Variants in ZNF707 observed in about 807,000 individuals in gnomAD.
The protein encoded by ZNF707 is zinc finger protein 707.
ZNF707 carries 8 observed loss-of-function variants against 13.3 expected under a neutral mutation model. The ratio of observed to expected loss-of-function variants is 0.60; its 90% CI spans 0.35 to 1.09. ZNF707 has a LOEUF of 1.09. Ranked by LOEUF, ZNF707 falls within the 50% of genes least tolerant of loss-of-function variation. The pLI is 0.02. For synonymous variants in ZNF707, 225 were observed against 205.6 expected, an observed-to-expected ratio of 1.09 and a Z score of -0.81; for missense variants, 530 against 512.6, an observed-to-expected ratio of 1.03 and a Z score of -0.33.
intron 4 of ZNF707, 161 bp from the exon 5 acceptor site, chr8:143,691,439 C>G (rs782607310): frequency 9.8e-7 from 1 of 1,025,192 alleles, no homozygotes; most frequent in Non-Finnish European, 1.4e-6. Flanking sequence ...GCCTTGGTGT[C>G]CAGGCCCCTC....
intron 3 of ZNF707, 97 bp from the exon 4 acceptor site, chr8:143,690,975 AC>A: frequency 6.8e-7 from 1 of 1,462,474 alleles, no homozygotes; most frequent in Non-Finnish European, 9.2e-7. Flanking sequence ...CAATCAGTCC[AC>A]CGCAGGGCCA....
In ZNF707 at chr8:143,693,896, CG is replaced by C; in HGVS notation, c.485del (p.Gly162AlafsTer11). The C allele has an allele frequency of 1.9e-6, 3 of 1,605,088 alleles. No individual in the cohort carries two copies. Among genetic ancestry groups the C allele is most frequent in the Non-Finnish European group, 2.6e-6 (3 of 1,174,828 alleles). On this transcript the variant is annotated frameshift_variant, in exon 6 of 6. Transcript: ENST00000358656. LOFTEE classifies it low-confidence loss of function (END_TRUNC). This position sits in a 1 kb window ranked among gnomAD's most constrained non-coding sequence, Gnocchi z 4.1. ...QVLTQRCGRR[P>X]GRRERRKQRA... ...CTCACGCAGCGTTGTGGGCGGCGGC[CG>C]GGCCGCAGAGAGCGCCGGAAGCAGC...
At chr8:143,691,551 C>G (rs368372700) in intron 4 of ZNF707, 49 bp from the exon 5 acceptor site, 10 of 1,536,466 alleles carry the variant, frequency 6.5e-6, no homozygotes, top group Non-Finnish European at 8.8e-6. Flanking sequence ...TCGACCCTCA[C>G]TTTGTCCTCA....
intron 1 of ZNF707, chr8:143,684,806 C>G (rs983716161): frequency 6.6e-6 from 1 of 152,462 alleles, no homozygotes; most frequent in South Asian, 2.1e-4. Context: ...TCTTCCTGGC[C>G]GACCCCGTCC....
Position 143,694,477 on chromosome 8 carries a change from C to T in ZNF707, c.1063C>T (p.His355Tyr). The change falls in exon 6 of 6, where the codon CAC becomes TAC. Residue 355 changes from histidine to tyrosine, a missense_variant. Physicochemically the swap from His to Tyr is moderately conservative, Grantham distance 83. Coordinates refer to ENST00000358656, the MANE Select transcript of ZNF707 (RefSeq NM_001100598.2). This position sits in a 1 kb window ranked among gnomAD's most constrained non-coding sequence, Gnocchi z 4.4. Reference protein sequence around the residue: ...ECGHCGKGFRHLGFFTRHQRT... With the variant: ...ECGHCGKGFRYLGFFTRHQRT... ...CGGCCACTGTGGGAAAGGCTTCCGT[C>T]ACCTGGGGTTCTTCACGCGGCATCA... 1 of 1,611,214 alleles carries T rather than the reference C, an allele frequency of 6.2e-7. No individual in the cohort carries two copies. The highest frequency in any genetic ancestry group is 8.5e-7 in the Non-Finnish European group (1 of 1,178,620).
At chr8:143,690,258 C>G (rs1360311837) in intron 3 of ZNF707, 135 bp downstream of exon 3, 4 of 1,202,322 alleles carry the variant, frequency 3.3e-6, no homozygotes, top group Non-Finnish European at 4.7e-6. Flanking sequence ...TGCCTTCTCT[C>G]TTAAGGGGTG....
chr8:143,694,043 G>A lies in ZNF707; in HGVS notation c.629G>A (p.Gly210Asp), dbSNP rs1817099639. ...AAGGCCTTCGAGTGCCCCGAGTGCG[G>A]CCAGACCTTCCGGTGGGCTTCAAAC... ...GTKAFECPEC[G>D]QTFRWASNLQ... Residue 210 changes from glycine to aspartate, a missense_variant, in exon 6 of 6, where the codon GGC becomes GAC. By Grantham distance (94) the Gly-to-Asp change is moderately conservative. Transcript: ENST00000358656. The surrounding 1 kb of genome is among the most constrained non-coding windows in gnomAD (Gnocchi z 4.4). 1 of 1,607,128 alleles carries A rather than the reference G, an allele frequency of 6.2e-7. No homozygotes were observed. The highest frequency in any genetic ancestry group is 8.5e-7 in the Non-Finnish European group (1 of 1,177,826).
chr8:143,694,223 A>C lies in ZNF707; in HGVS notation c.809A>C (p.Lys270Thr). ...TGTGGCGACTGTGGGAAAGCCTTCA[A>C]GCAGAAGTCCAACCTTCTCAGACAC... ...YSCGDCGKAF[K>T]QKSNLLRHQL... The change falls in exon 6 of 6, where the codon AAG becomes ACG. Residue 270 changes from lysine to threonine, a missense_variant. By Grantham distance (78) the Lys-to-Thr change is moderately conservative (BLOSUM62 -1). Transcript: ENST00000358656. The surrounding 1 kb of genome is among the most constrained non-coding windows in gnomAD (Gnocchi z 4.4). 6.3e-7 allele frequency: 1 copy of C among 1,584,590 alleles called. No individual in the cohort carries two copies. Among genetic ancestry groups the C allele is most frequent in the Non-Finnish European group, 8.6e-7 (1 of 1,165,776 alleles).
rs1392825266 is a variant in ZNF707 at position 143,684,536 on chromosome 8, C to G, written c.-157C>G. On this transcript the variant is annotated 5_prime_UTR_variant, in exon 1 of 6. Coordinates refer to ENST00000358656, the MANE Select transcript of ZNF707 (RefSeq NM_001100598.2). ...GATGCAGCATCCTAGTGGAGGACGC[C>G]CCTGTGGTGAGTGCGCCCGTGTCCC... The G allele has an allele frequency of 6.6e-6, 1 of 152,282 alleles. No individual in the cohort carries two copies. Among genetic ancestry groups the G allele is most frequent in the Non-Finnish European group, 1.5e-5 (1 of 68,100 alleles). The allele number at this position is 152,282 out of a possible 1,614,324, so 9.4% of individuals were successfully genotyped here.
intron 5 of ZNF707, chr8:143,692,273 A>G (rs1048515299): frequency 1.6e-6 from 2 of 1,289,900 alleles, no homozygotes; most frequent in African/African-American, 3.0e-5. Context: ...TGTGAACACG[A>G]GCCCTGGGAG....
chr8:143,690,319 C>A, intron 3 of ZNF707, 196 bp downstream of exon 3: 4 of 627,664 alleles, frequency 6.4e-6, no homozygotes, highest in Non-Finnish European at 5.4e-6. Context: ...CGCCTGTAAT[C>A]CTAGCACTTT....
rs868922481 is a variant in ZNF707, at chr8:143,690,194, C to T, written c.15+71C>T. ...GCTGCCTGAGACCCCAGCACACACG[C>T]GGGGAGGGTCTGTGGCAGTGGCTTC... On this transcript the variant is annotated intron_variant, in intron 3 of 5. Coordinates refer to ENST00000358656, the MANE Select transcript of ZNF707 (RefSeq NM_001100598.2). 64 of 1,573,372 alleles carry T rather than the reference C, an allele frequency of 4.1e-5. No individual in the cohort carries two copies. In the Middle Eastern group the frequency reaches 5.2e-3, roughly 127 times the overall value.
chr8:143,685,359 AC>A (rs1183694519), intron 1 of ZNF707, among the ~76,000 whole-genome samples: 1 of 152,072 alleles, frequency 6.6e-6, no homozygotes, highest in Admixed American at 6.6e-5. Flanking sequence ...CCTTGTCTCT[AC>A]AAAAAATACA....
At chr8:143,691,049 C>T (rs1348577712) in intron 3 of ZNF707, 24 bp from the exon 4 acceptor site, 3 of 1,613,418 alleles carry the variant, frequency 1.9e-6, no homozygotes, top group African/African-American at 1.3e-5. Flanking sequence ...GGAATGGCCT[C>T]TTCGGGAGCT....
chr8:143,691,133 G>A lies in ZNF707; in HGVS notation c.76G>A (p.Glu26Lys), dbSNP rs1816770377. ...YFSREEWACL[E>K]PSQRALYRDV... Reference sequence around the variant, plus strand: ...CTCAAGGGAGGAGTGGGCGTGTCTGGAACCCAGCCAGAGGGCCCTCTACCG... The same window carrying A: ...CTCAAGGGAGGAGTGGGCGTGTCTGAAACCCAGCCAGAGGGCCCTCTACCG... Residue 26 changes from glutamate to lysine, a missense_variant, in exon 4 of 6, where the codon GAA becomes AAA. Transcript: ENST00000358656. 2.5e-6 allele frequency: 4 copies of A among 1,613,874 alleles called. No homozygotes were observed. The highest frequency in any genetic ancestry group is 3.4e-6 in the Non-Finnish European group (4 of 1,179,854).
intron 1 of ZNF707, among the ~76,000 whole-genome samples, chr8:143,686,222 C>G (rs1816254770): frequency 6.6e-6 from 1 of 152,152 alleles, no homozygotes; most frequent in African/African-American, 2.4e-5. Flanking sequence ...TTCAGCCTCC[C>G]AAGTAGCCTG....
rs1345360998 is a variant in ZNF707 at position 143,694,182 on chromosome 8, G to T, written c.768G>T (p.Glu256Asp). The T allele has an allele frequency of 1.3e-6, 2 of 1,574,996 alleles. No homozygotes were observed. The highest frequency in any genetic ancestry group is 1.8e-5 in the Admixed American group (1 of 56,128). ...CTCAGCACCGCAAGGTCCACACCGA[G>T]CACAGGCCCTACTCGTGTGGCGACT... ...RLAQHRKVHTEHRPYSCGDCG... is the reference protein window; with the variant it reads ...RLAQHRKVHTDHRPYSCGDCG... Residue 256 changes from glutamate to aspartate, a missense_variant, in exon 6 of 6, where the codon GAG becomes GAT. Transcript: ENST00000358656. The surrounding 1 kb of genome is among the most constrained non-coding windows in gnomAD (Gnocchi z 4.4).
At chr8:143,686,077 G>A (rs1174310941) in intron 1 of ZNF707, among the ~76,000 whole-genome samples, 5 of 151,900 alleles carry the variant, frequency 3.3e-5, no homozygotes, top group Admixed American at 1.3e-4. Flanking sequence ...TGAGCTGAGG[G>A]GAGAGGGTGT....
rs1343134631 is a variant in ZNF707, at chr8:143,689,174, TTTTCATCGAGTTTGTCTG to T, written c.-150-22_-150-5del. 2.0e-5 allele frequency: 3 copies of T among 152,310 alleles called. No individual in the cohort carries two copies. The highest frequency in any genetic ancestry group is 7.2e-5 in the African/African-American group (3 of 41,464). The allele number at this position is 152,310 out of a possible 1,614,324, so 9.4% of individuals were successfully genotyped here. A position where few individuals can be genotyped will look rare whatever the true frequency, so the allele number is the denominator to read the frequency against. ...TTTTGTCAGTTTCATGATACTGTGT[TTTTCATCGAGTTTGTCTG>T]TTTCATCTCAGTTGCTGAACCTGTT... On this transcript the variant is annotated splice_polypyrimidine_tract_variant and intron_variant, in intron 1 of 5. Coordinates refer to ENST00000358656, the MANE Select transcript of ZNF707 (RefSeq NM_001100598.2).
Sources: allele counts gnomAD v4.1 joint callset (sites outside exome capture counted in the v4.1 genomes callset), GRCh38; gene constraint gnomAD v4.1.1; non-coding constraint Gnocchi (gnomAD v3.1); transcripts MANE v1.5; gene names NCBI Gene and HGNC (gene_info 2026-07-23, HGNC 2026-07-21).